Variants in PPP1R21 observed in about 807,000 individuals in gnomAD.
The protein encoded by PPP1R21 is KLRAQ motif containing 1.
Under a neutral mutation model 112.8 loss-of-function variants are expected in PPP1R21, and 85 were observed. The ratio of observed to expected loss-of-function variants is 0.75; its 90% CI spans 0.63 to 0.90. The LOEUF (loss-of-function observed/expected upper bound fraction) is 0.90. PPP1R21 is among the 40% of genes least tolerant of loss of function. The pLI, the probability that PPP1R21 is intolerant of heterozygous loss-of-function variation, is 0.00. For synonymous variants in PPP1R21, 381 were observed against 322.3 expected (o/e 1.18, Z -1.95); for missense variants, 1,199 against 901.5 (o/e 1.33, Z -4.23).
intron 11 of PPP1R21, among the ~76,000 whole-genome samples, chr2:48,472,683 A>C (rs1668573269): frequency 6.6e-6 from 1 of 151,868 alleles, no homozygotes; most frequent in Admixed American, 6.6e-5. Context: ...GCATGGTGGC[A>C]CATGCCTGTA....
intron 2 of PPP1R21, 30 bp downstream of exon 2, chr2:48,451,106 G>T: frequency 1.3e-6 from 2 of 1,582,612 alleles, no homozygotes; most frequent in Non-Finnish European, 1.7e-6. Context: ...TGTTGTGAGG[G>T]TTAAGTTAGC....
intron 3 of PPP1R21, among the ~76,000 whole-genome samples, chr2:48,456,903 T>G (rs1303979703): frequency 2.0e-5 from 3 of 151,904 alleles, no homozygotes; most frequent in South Asian, 2.1e-4. Flanking sequence ...ATACAAAAAA[T>G]TAGCCCAGCA....
Position 48,507,499 on chromosome 2 carries a change from C to G in PPP1R21, c.2085+114C>G, listed in dbSNP as rs1670436885. ...AGAGAGAAGTCAGTGTCCCAAGTAG[C>G]TGGGACTATGGGTGTGTACCACCAC... is the stretch of plus-strand genomic sequence containing the variant. On this transcript the variant is annotated intron_variant, in intron 19 of 21. Coordinates refer to ENST00000294952, the MANE Select transcript of PPP1R21 (RefSeq NM_001135629.3). 6.8e-6 allele frequency: 10 copies of G among 1,469,336 alleles called. No individual in the cohort carries two copies. The South Asian group carries it at 1.2e-4, about 18-fold the overall frequency. 91.0% of individuals were successfully genotyped at this position (1,469,336 alleles called of 1,614,324 possible). A position where few individuals can be genotyped will look rare whatever the true frequency, so the allele number is the denominator to read the frequency against.
rs934621239 is a variant in PPP1R21, at chr2:48,447,902, A to G, written c.58-3106A>G. On this transcript the variant is annotated intron_variant, in intron 1 of 21. Coordinates refer to ENST00000294952, the MANE Select transcript of PPP1R21 (RefSeq NM_001135629.3). ...GAGGTGGAGGCTGCAGTGAGCTGAG[A>G]TTGCACCACTGCACTTCAGCCTGGG... Among the ~76,000 whole-genome samples the G allele has an allele frequency of 5.9e-5, 9 of 152,214 alleles. No homozygotes were observed. The South Asian group carries it at 1.9e-3, about 32-fold the overall frequency.
At chr2:48,503,952 C>CA (rs11389758) in intron 17 of PPP1R21, among the ~76,000 whole-genome samples, 127,960 of 135,830 alleles carry the variant, frequency 0.94, 60,327 homozygotes, top group Non-Finnish European at 0.97. Context: ...GACTATGTCT[C>CA]AAAAAAAAAA....
intron 17 of PPP1R21, among the ~76,000 whole-genome samples, chr2:48,504,436 T>G (rs1014417194): frequency 6.6e-6 from 1 of 151,292 alleles, no homozygotes; most frequent in African/African-American, 2.4e-5. Context: ...AGGTCAGGAG[T>G]TCAAGACCAG....
At chr2:48,504,107 A>C (rs1036290531) in intron 17 of PPP1R21, among the ~76,000 whole-genome samples, 1 of 152,190 alleles carries the variant, frequency 6.6e-6, no homozygotes, top group Non-Finnish European at 1.5e-5. Context: ...TATAAACTGC[A>C]GTCATATTTG....
At chr2:48,510,205 C>T in intron 20 of PPP1R21, 92 bp downstream of exon 20, 3 of 858,776 alleles carry the variant, frequency 3.5e-6, no homozygotes, top group Non-Finnish European at 5.4e-6. Flanking sequence ...GGCATTTGAT[C>T]TCTAGATATG....
intron 11 of PPP1R21, among the ~76,000 whole-genome samples, chr2:48,474,375 C>G (rs902240553): frequency 6.6e-6 from 1 of 152,082 alleles, no homozygotes; most frequent in African/African-American, 2.4e-5. Flanking sequence ...GTGAGAGACT[C>G]CGTCTCAAAC....
intron 13 of PPP1R21, among the ~76,000 whole-genome samples, chr2:48,485,721 A>G (rs1490645255): frequency 1.3e-5 from 2 of 151,570 alleles, no homozygotes; most frequent in Non-Finnish European, 2.9e-5. Context: ...TTCTTTTCAA[A>G]TAGTCTTATT....
At chr2:48,441,476 T>C in intron 1 of PPP1R21, 1 of 210,080 alleles carries the variant, frequency 4.8e-6, no homozygotes. Flanking sequence ...AGAGGGTAAA[T>C]AGAGACATTC....
chr2:48,454,977 A>G (rs531837747), intron 3 of PPP1R21, among the ~76,000 whole-genome samples: 2 of 152,108 alleles, frequency 1.3e-5, no homozygotes, highest in African/African-American at 4.8e-5. Context: ...GGCTGGAAGT[A>G]TAGGTGTGCA....
In PPP1R21 at chr2:48,464,939, T is replaced by C; in HGVS notation, c.697T>C (p.Tyr233His). ...TGTACATTATTTTTCTTCTGTAGAA[T>C]ATAGTCAGTACAACGCTCTGAACGT... is the stretch of plus-strand genomic sequence containing the variant. ...NEKVPFNDTKYSQYNALNVPL... is the reference protein window; with the variant it reads ...NEKVPFNDTKHSQYNALNVPL... The change falls in exon 8 of 22, where the codon TAT becomes CAT. Residue 233 changes from tyrosine to histidine, a missense_variant and splice_region_variant. By Grantham distance (83) the Tyr-to-His change is moderately conservative. Coordinates refer to ENST00000294952, the MANE Select transcript of PPP1R21 (RefSeq NM_001135629.3). 6.4e-7 allele frequency: 1 copy of C among 1,565,622 alleles called. No homozygotes were observed. The highest frequency in any genetic ancestry group is 8.6e-7 in the Non-Finnish European group (1 of 1,164,474).
At chr2:48,507,986 AAC>A (rs1212023484) in intron 19 of PPP1R21, among the ~76,000 whole-genome samples, 1 of 150,288 alleles carries the variant, frequency 6.7e-6, no homozygotes, top group East Asian at 2.0e-4. Context: ...GCTGGTCTTG[AAC>A]TCCTGACCTC....
intron 15 of PPP1R21, among the ~76,000 whole-genome samples, chr2:48,495,041 A>G (rs1244895112): frequency 1.3e-5 from 2 of 152,170 alleles, no homozygotes; most frequent in East Asian, 1.9e-4. Context: ...CATGTAACTT[A>G]CTGAATACTG....
chr2:48,444,051 C>A (rs77468632), intron 1 of PPP1R21, among the ~76,000 whole-genome samples: 19,738 of 151,420 alleles, frequency 0.13, 1,407 homozygotes, highest in Admixed American at 0.19. Context: ...AAAAAAAAAA[C>A]CAAACAAACA....
chr2:48,458,299 A>G lies in PPP1R21; in HGVS notation c.375+72A>G, dbSNP rs528697080. On this transcript the variant is annotated intron_variant, in intron 4 of 21. Coordinates refer to ENST00000294952, the MANE Select transcript of PPP1R21 (RefSeq NM_001135629.3). Reference sequence around the variant, plus strand: ...TCTGTTAATGTGGAAAAGCTAATGCACATAGAGTGTTTTGTGTCTGCGTGG... The same window carrying G: ...TCTGTTAATGTGGAAAAGCTAATGCGCATAGAGTGTTTTGTGTCTGCGTGG... The G allele has an allele frequency of 1.5e-5, 14 of 950,870 alleles. No homozygotes were observed. The South Asian group carries it at 1.7e-4, about 12-fold the overall frequency. 58.9% of individuals were successfully genotyped at this position (950,870 alleles called of 1,614,324 possible).
intron 13 of PPP1R21, among the ~76,000 whole-genome samples, chr2:48,486,173 T>G (rs906162282): frequency 5.3e-5 from 8 of 152,072 alleles, no homozygotes; most frequent in African/African-American, 1.9e-4. Context: ...GGGTGTGCAC[T>G]AGGAAACTAG....
At chr2:48,453,969 C>CT (rs1667597019) in intron 2 of PPP1R21, among the ~76,000 whole-genome samples, 1 of 151,842 alleles carries the variant, frequency 6.6e-6, no homozygotes, top group South Asian at 2.1e-4. Flanking sequence ...TTTTAAATAT[C>CT]TAAGTTTGGC....
Sources: gnomAD v4.1 joint callset for allele counts (sites outside exome capture counted in the v4.1 genomes callset) on GRCh38, gnomAD v4.1.1 for gene constraint, MANE v1.5 for transcripts, NCBI Gene and HGNC (gene_info 2026-07-23, HGNC 2026-07-21) for gene names.